The following GNAS variants were observed in gnomAD, a reference collection of about 807,000 sequenced individuals.
GNAS encodes the protein protein ALEX.
In GNAS, 8 loss-of-function variants were observed where a neutral mutation model predicts 54.5. That is an observed-to-expected ratio of 0.15 (90% CI 0.09 to 0.26). GNAS has a LOEUF of 0.26. GNAS is among the 10% of genes least tolerant of loss of function. The probability of loss-of-function intolerance (pLI) is 1.00; values close to 1 mark genes in which losing one functional copy is unlikely to be tolerated. For missense variants in GNAS, 170 were observed against 529.8 expected (o/e 0.32, Z 6.67); for synonymous variants, 204 against 191.4 (o/e 1.07, Z -0.54).
At position 58,863,551 on chromosome 20, in the gene GNAS, C is replaced by G. The variant is rs542521909; in HGVS notation, c.43+22665C>G. On this transcript the variant is annotated intron_variant, in intron 1 of 12. Coordinates refer to the GNAS transcript ENST00000306090. This position sits in a 1 kb window ranked among gnomAD's most constrained non-coding sequence, Gnocchi z 4.1. ...CACTGTGTGTGGGACAGAGTAAGTA[C>G]TTTTAACTTCCTTTAATGAGTTGAT... The G allele has an allele frequency of 6.6e-6, 1 of 152,200 alleles. No homozygotes were observed. The highest frequency in any genetic ancestry group is 2.1e-4 in the South Asian group (1 of 4,816). 9.4% of individuals were successfully genotyped at this position (152,200 alleles called of 1,614,324 possible).
At chr20:58,908,309 A>C (rs1184545734) in intron 6 of GNAS, among the ~76,000 whole-genome samples, 1 of 152,206 alleles carries the variant, frequency 6.6e-6, no homozygotes, top group African/African-American at 2.4e-5. Flanking sequence ...CTAGTCAAGC[A>C]ACACAAACAA....
At chr20:58,902,380 A>G (rs1385612378) in intron 3 of GNAS, among the ~76,000 whole-genome samples, 1 of 152,206 alleles carries the variant, frequency 6.6e-6, no homozygotes, top group Non-Finnish European at 1.5e-5. Context: ...AACATACAGC[A>G]TTTGGATCAG....
intron 1 of GNAS, among the ~76,000 whole-genome samples, chr20:58,862,578 CTTTG>C: frequency 7.0e-6 from 1 of 143,752 alleles, no homozygotes; most frequent in African/African-American, 2.6e-5. Context: ...TTGTTTGTGT[CTTTG>C]TTTTTCTGTT....
chr20:58,899,388 C>T (rs2090381807), intron 3 of GNAS: 1 of 521,172 alleles, frequency 1.9e-6, no homozygotes, highest in Non-Finnish European at 3.7e-6. Flanking sequence ...AAATTTCAGA[C>T]CTCTTTGAAA....
At chr20:58,898,539 G>C (rs1023788866) in intron 2 of GNAS, 8 of 229,650 alleles carry the variant, frequency 3.5e-5, no homozygotes, top group Admixed American at 3.5e-4. Context: ...TTACAACCTT[G>C]GGAAGATTCT....
At chr20:58,864,818 G>A (rs866550514) in intron 1 of GNAS, among the ~76,000 whole-genome samples, 1 of 152,034 alleles carries the variant, frequency 6.6e-6, no homozygotes, top group South Asian at 2.1e-4. Context: ...ATTTTGGGGG[G>A]CTCAGTCTAA....
chr20:58,888,188 G>T (rs1322232256), upstream of GNAS, among the ~76,000 whole-genome samples: 1 of 152,146 alleles, frequency 6.6e-6, no homozygotes, highest in Non-Finnish European at 1.5e-5. Flanking sequence ...ACAGTTTGTG[G>T]ACTTTGCATA....
rs2146289693 is a variant in GNAS at position 58,909,959 on chromosome 20, G to A, written c.848G>A (p.Arg283His). ...GGCCTCCCTTCTTGTAGATGGCTGC[G>A]CACCATCTCTGTGATCCTGTTCCTC... The part of the protein sequence containing the change: ...FKSIWNNRWL[R>H]TISVILFLNK... The change falls in exon 11 of 13, where the codon CGC becomes CAC. Residue 283 changes from arginine (R) to histidine (H), a missense_variant. Arg to His is a conservative substitution (Grantham distance 29). This residue lies in a region of GNAS where 36 missense variants were observed against 223.0 expected (regional missense o/e 0.16). Coordinates refer to ENST00000371085, the MANE Select transcript of GNAS (RefSeq NM_000516.7). This position sits in a 1 kb window ranked among gnomAD's most constrained non-coding sequence, Gnocchi z 7.3. 1.9e-6 allele frequency: 3 copies of A among 1,613,418 alleles called. No homozygotes were observed. Among genetic ancestry groups the A allele is most frequent in the Non-Finnish European group, 2.5e-6 (3 of 1,179,344 alleles).
chr20:58,887,463 T>G (rs1201490470), upstream of GNAS, among the ~76,000 whole-genome samples: 1 of 152,224 alleles, frequency 6.6e-6, no homozygotes, highest in Non-Finnish European at 1.5e-5. Context: ...GTAGTGAGCC[T>G]CACTATCACT....
chr20:58,890,477 C>T (rs555314242), upstream of GNAS, among the ~76,000 whole-genome samples: 3 of 152,120 alleles, frequency 2.0e-5, no homozygotes, highest in East Asian at 2.0e-4. Context: ...CCCACCTGCC[C>T]CTCGTGGTGT....
intron 2 of GNAS, 70 bp from the exon 3 acceptor site, chr20:58,898,871 G>T: frequency 1.6e-6 from 2 of 1,265,760 alleles, no homozygotes; most frequent in South Asian, 2.4e-5. Flanking sequence ...AATGTAGAGA[G>T]ACTGTGTGGG....
At chr20:58,850,594 C>T (rs956495397) in intron 1 of GNAS, 1 of 398,862 alleles carries the variant, frequency 2.5e-6, no homozygotes, top group Non-Finnish European at 4.4e-6. Context: ...GGCTGCTCCT[C>T]GCAGTAAGCC....
chr20:58,902,958 A>G (rs1199630748), intron 3 of GNAS: 1 of 187,944 alleles, frequency 5.3e-6, no homozygotes, highest in African/African-American at 2.4e-5. Flanking sequence ...CTGGTCTCCA[A>G]CTCCTGACCT....
intron 3 of GNAS, among the ~76,000 whole-genome samples, chr20:58,901,624 A>C (rs1338056546): frequency 7.3e-6 from 1 of 136,806 alleles, no homozygotes; most frequent in Non-Finnish European, 1.5e-5. Flanking sequence ...CCAGCTCTTC[A>C]CCCAATGTAG....
At chr20:58,900,646 C>G (rs1020271343) in intron 3 of GNAS, among the ~76,000 whole-genome samples, 4 of 152,088 alleles carry the variant, frequency 2.6e-5, no homozygotes, top group African/African-American at 9.7e-5. Flanking sequence ...AATTTTGTAG[C>G]GAATCAGAAT....
Sources: allele counts gnomAD v4.1 joint callset (sites outside exome capture counted in the v4.1 genomes callset), GRCh38; gene constraint gnomAD v4.1.1; regional missense constraint gnomAD v4.1.1; non-coding constraint Gnocchi (gnomAD v3.1); transcripts MANE v1.5; gene names NCBI Gene and HGNC (gene_info 2026-07-23, HGNC 2026-07-21).